PCSK6: variants seen among roughly 807,000 people sequenced by gnomAD.
PCSK6 encodes proprotein convertase subtilisin/kexin type 6, also known as paired basic amino acid cleaving enzyme 4.
In PCSK6, 85 loss-of-function variants were observed where a neutral mutation model predicts 123.3. That is an observed-to-expected ratio of 0.69 (90% confidence interval 0.58 to 0.83). The LOEUF is 0.83. Among genes scored for constraint, PCSK6 ranks in the 40% least tolerant of loss-of-function variants. The probability of loss-of-function intolerance (pLI) is 0.00; values close to 1 mark genes in which losing one functional copy is unlikely to be tolerated. For missense variants in PCSK6, 1,191 were observed against 1,282.3 expected (o/e 0.93, Z 1.09); for synonymous variants, 508 against 516.0 (o/e 0.98, Z 0.21).
chr15:101,428,852 A>G (rs577675662), intron 5 of PCSK6, among the ~76,000 whole-genome samples: 95 of 152,246 alleles, frequency 6.2e-4, no homozygotes, highest in Middle Eastern at 3.4e-3. Flanking sequence ...AGCTCAATGG[A>G]TGGCTCGGGA....
At chr15:101,475,923 C>T (rs1349357791) in intron 1 of PCSK6, among the ~76,000 whole-genome samples, 4 of 152,182 alleles carry the variant, frequency 2.6e-5, no homozygotes, top group South Asian at 4.1e-4. Context: ...GGGGCCCACA[C>T]ACACTTCTGG....
chr15:101,460,160 C>T (rs60367374), intron 1 of PCSK6, among the ~76,000 whole-genome samples: 3,797 of 152,118 alleles, frequency 0.025, 63 homozygotes, highest in African/African-American at 0.054. Context: ...TGGCCTGGGC[C>T]TACCCAACCC....
At chr15:101,389,326 T>A (rs2042157845) in intron 9 of PCSK6, 138 bp downstream of exon 9, 1 of 678,226 alleles carries the variant, frequency 1.5e-6, no homozygotes, top group Non-Finnish European at 2.7e-6. Flanking sequence ...GGGATGGTGG[T>A]GCAGGTGCAC....
chr15:101,488,257 A>C (rs2058066134), intron 1 of PCSK6, among the ~76,000 whole-genome samples: 1 of 152,220 alleles, frequency 6.6e-6, no homozygotes, highest in Non-Finnish European at 1.5e-5. Flanking sequence ...TAACCCTCTG[A>C]GTGTGTAGTT....
intron 1 of PCSK6, among the ~76,000 whole-genome samples, chr15:101,478,540 G>A (rs754368776): frequency 4.6e-5 from 7 of 152,174 alleles, no homozygotes; most frequent in Admixed American, 6.5e-5. Flanking sequence ...TGGCTTCCCC[G>A]GTCCTCTTTT....
At chr15:101,323,615 C>T (rs1162616197) in intron 17 of PCSK6, among the ~76,000 whole-genome samples, 1 of 152,078 alleles carries the variant, frequency 6.6e-6, no homozygotes, top group Non-Finnish European at 1.5e-5. Context: ...TGCCTGTAAG[C>T]CCAGCTACTC....
intron 6 of PCSK6, among the ~76,000 whole-genome samples, chr15:101,409,351 C>T (rs572232904): frequency 4.3e-4 from 65 of 152,092 alleles, no homozygotes; most frequent in Non-Finnish European, 5.4e-4. Context: ...TTTGGGCGGC[C>T]GAGGCGGGCG....
At chr15:101,351,550 A>C (rs1309768582) in intron 13 of PCSK6, among the ~76,000 whole-genome samples, 2 of 152,260 alleles carry the variant, frequency 1.3e-5, no homozygotes, top group African/African-American at 4.8e-5. Flanking sequence ...AATCAATGAA[A>C]GCAGTCTCTG....
At chr15:101,352,289 A>G (rs1413034700) in intron 13 of PCSK6, among the ~76,000 whole-genome samples, 2 of 151,632 alleles carry the variant, frequency 1.3e-5, no homozygotes, top group Non-Finnish European at 2.9e-5. Flanking sequence ...CTGGGACTAC[A>G]GGTGGCCGCC....
intron 8 of PCSK6, among the ~76,000 whole-genome samples, chr15:101,392,937 G>T (rs1001535136): frequency 6.6e-6 from 1 of 152,152 alleles, no homozygotes; most frequent in African/African-American, 2.4e-5. Flanking sequence ...AAGGAACCTC[G>T]TTCTTAAATA....
At chr15:101,372,597 G>A (rs1387939396) in intron 11 of PCSK6, among the ~76,000 whole-genome samples, 1 of 152,114 alleles carries the variant, frequency 6.6e-6, no homozygotes, top group Non-Finnish European at 1.5e-5. Flanking sequence ...CAGGGCCCAT[G>A]TGTCTCTCCA....
intron 2 of PCSK6, 151 bp downstream of exon 2, chr15:101,443,405 T>G: frequency 1.7e-6 from 1 of 587,378 alleles, no homozygotes; most frequent in Non-Finnish European, 3.0e-6. Context: ...TCAGATGGTC[T>G]GATTCGTAGC....
At position 101,455,934 on chromosome 15, in the gene PCSK6, A is replaced by T. The variant is rs11638474; in HGVS notation, c.298-12274T>A. 4.5e-3 allele frequency among the ~76,000 whole-genome samples: 678 copies of T among 151,246 alleles called. 4 individuals carry two copies. Among genetic ancestry groups the T allele is most frequent in the Non-Finnish European group, 7.6e-3 (514 of 67,724 alleles). ...TGGCTCTTTAAAAATGGCATTTGGG[A>T]TTTCTCCGGCAAGCTGTATGCTAAG... On this transcript the variant is annotated intron_variant, in intron 1 of 21. Coordinates refer to ENST00000611716, the MANE Select transcript of PCSK6 (RefSeq NM_002570.5).
chr15:101,393,483 C>A, intron 7 of PCSK6, 59 bp from the exon 8 acceptor site: 4 of 1,350,224 alleles, frequency 3.0e-6, no homozygotes, highest in Admixed American at 4.3e-5. Context: ...GGGTGGGTCT[C>A]CCCCCGAACC....
At chr15:101,445,881 C>A (rs1377897948) in intron 1 of PCSK6, among the ~76,000 whole-genome samples, 3 of 152,194 alleles carry the variant, frequency 2.0e-5, no homozygotes, top group African/African-American at 7.2e-5. Context: ...CAGGGCAGCA[C>A]CTGGCCTTTG....
intron 2 of PCSK6, among the ~76,000 whole-genome samples, chr15:101,433,956 A>G (rs1033575550): frequency 6.6e-6 from 1 of 152,186 alleles, no homozygotes; most frequent in Non-Finnish European, 1.5e-5. Context: ...CCTTAGAAAC[A>G]CTGCAAAGGG....
chr15:101,332,052 A>T (rs759492100), intron 13 of PCSK6, 21 bp from the exon 14 acceptor site: 6 of 1,572,906 alleles, frequency 3.8e-6, no homozygotes, highest in Non-Finnish European at 5.2e-6. Context: ...CCAAACCCAC[A>T]GAGTTACCTG....
In PCSK6 at chr15:101,411,574, C is replaced by T. The variant is rs116672322; in HGVS notation, c.824-12998G>A. Among the ~76,000 whole-genome samples, 967 of 152,226 alleles carry T rather than the reference C, an allele frequency of 6.4e-3. 8 individuals are homozygous for T. The highest frequency in any genetic ancestry group is 0.022 in the African/African-American group (933 of 41,528). On this transcript the variant is annotated intron_variant, in intron 6 of 21. Transcript: ENST00000611716. ...CAGCCCATGTTTGAGGAAAACCCAT[C>T]CCAAGAAAGAGGGGCACCCAATTAA...
At chr15:101,363,776 C>G (rs1337675653) in intron 13 of PCSK6, among the ~76,000 whole-genome samples, 2 of 151,522 alleles carry the variant, frequency 1.3e-5, no homozygotes, top group African/African-American at 4.8e-5. Context: ...ACTACAGGTG[C>G]CTGCCACCTT....
Sources: allele counts gnomAD v4.1 joint callset (sites outside exome capture counted in the v4.1 genomes callset), GRCh38; gene constraint gnomAD v4.1.1; transcripts MANE v1.5; gene names NCBI Gene and HGNC (gene_info 2026-07-23, HGNC 2026-07-21).